ITGAE: variants seen among roughly 807,000 people sequenced by gnomAD.
The protein encoded by ITGAE is integrin alpha-E.
A neutral mutation model predicts 136.5 loss-of-function variants in ITGAE; 99 were observed. The ratio of observed to expected loss-of-function variants is 0.73; its 90% confidence interval spans 0.62 to 0.86. ITGAE has a LOEUF of 0.86. Among genes scored for constraint, ITGAE ranks in the 40% least tolerant of loss-of-function variants. The pLI is 0.00. For synonymous variants in ITGAE, 613 were observed against 591.8 expected (o/e 1.04, Z -0.52); for missense variants, 1,447 against 1,515.3 (o/e 0.95, Z 0.75).
chr17:3,773,257 C>T (rs771979838), intron 2 of ITGAE, among the ~76,000 whole-genome samples: 14 of 152,026 alleles, frequency 9.2e-5, no homozygotes, highest in Non-Finnish European at 1.5e-4. Flanking sequence ...TTTGAGAGGC[C>T]GAGGCGGGCG....
At chr17:3,740,438 G>A (rs1214419596) in intron 19 of ITGAE, among the ~76,000 whole-genome samples, 1 of 152,134 alleles carries the variant, frequency 6.6e-6, no homozygotes, top group Non-Finnish European at 1.5e-5. Flanking sequence ...GTGCAATGGC[G>A]CGATCTCGGC....
At position 3,796,170 on chromosome 17, in the gene ITGAE, CGT is replaced by C. The variant is rs71381510; in HGVS notation, c.34+4939_34+4940del. Among the ~76,000 whole-genome samples, 131 of 126,996 alleles carry C rather than the reference CGT, an allele frequency of 1.0e-3. 2 individuals carry two copies. The highest frequency in any genetic ancestry group is 9.1e-3 in the East Asian group (42 of 4,592). The allele number at this position is 126,996 out of a possible 152,430, so 83.3% of individuals were successfully genotyped here. ...ATCCGTGTGTGTGTGTGTGTGCATC[CGT>C]GTGTGTGTGTGTGTGTGTGTGGTGG... is the stretch of plus-strand genomic sequence containing the variant. On this transcript the variant is annotated intron_variant, in intron 1 of 30. Transcript: ENST00000263087.
chr17:3,786,115 C>T (rs372685607), intron 1 of ITGAE, among the ~76,000 whole-genome samples: 2 of 146,528 alleles, frequency 1.4e-5, no homozygotes, highest in Admixed American at 7.0e-5. Context: ...TGCAGTGAGC[C>T]GAGATCGCGC....
Position 3,743,715 on chromosome 17 carries a change from T to TC in ITGAE, c.2320-99_2320-98insG. On this transcript the variant is annotated intron_variant, in intron 18 of 30. Transcript: ENST00000263087. The stretch of plus-strand genomic sequence containing the variant: ...TCTTTTTCTTTTTTTCTTTTTTTTT[T>TC]TTTTTGAGATGGAGTCTTGCTCTGT... The TC allele has an allele frequency of 3.0e-6, 4 of 1,335,870 alleles. No homozygotes were observed. In the Admixed American group the frequency reaches 9.8e-5, roughly 33 times the overall value. 82.8% of individuals were successfully genotyped at this position (1,335,870 alleles called of 1,614,324 possible). A position where few individuals can be genotyped will look rare whatever the true frequency, so the allele number is the denominator to read the frequency against.
At chr17:3,718,709 A>T (rs1046780794) in intron 29 of ITGAE, among the ~76,000 whole-genome samples, 6 of 152,248 alleles carry the variant, frequency 3.9e-5, no homozygotes. Flanking sequence ...GGGGAAACAT[A>T]CAAATTTAAA....
rs1385503629 is a variant in ITGAE at position 3,755,147 on chromosome 17, C to T, written c.1354G>A (p.Asp452Asn). The T allele has an allele frequency of 6.5e-7, 1 of 1,527,140 alleles. No homozygotes were observed. Among genetic ancestry groups the T allele is most frequent in the Non-Finnish European group, 8.8e-7 (1 of 1,136,014 alleles). 94.6% of individuals were successfully genotyped at this position (1,527,140 alleles called of 1,614,324 possible). Residue 452 changes from aspartate to asparagine, a missense_variant, in exon 12 of 31, where the codon GAC becomes AAC. Physicochemically the swap from Asp to Asn is conservative, Grantham distance 23. Coordinates refer to ENST00000263087, the MANE Select transcript of ITGAE (RefSeq NM_002208.5). ...FLNQTAAAAADAEAAQYSYLG... is the reference protein window; with the variant it reads ...FLNQTAAAAANAEAAQYSYLG... ...TAGCTGTACTGCGCAGCCTCCGCGT[C>T]TGCCGCCGCCGCCGCTGTCTGGTTC...
In ITGAE at chr17:3,755,308, GCCGGGCCACGGTGGCCGCGGGTCT is replaced by G; in HGVS notation, c.1240-71_1240-48del. 2.7e-6 allele frequency: 4 copies of G among 1,488,768 alleles called. No individual in the cohort carries two copies. In the South Asian group the frequency reaches 3.9e-5, roughly 14 times the overall value. The allele number at this position is 1,488,768 out of a possible 1,614,324, so 92.2% of individuals were successfully genotyped here. On this transcript the variant is annotated intron_variant, in intron 11 of 30. Transcript: ENST00000263087. ...CCCAGATGAGTGGGAGGGACCCAAG[GCCGGGCCACGGTGGCCGCGGGTCT>G]CCGGGCCAGCGCGGCTAACCTGGCT...
At chr17:3,797,293 G>A (rs1004490637) in intron 1 of ITGAE, among the ~76,000 whole-genome samples, 1 of 150,006 alleles carries the variant, frequency 6.7e-6, no homozygotes, top group Non-Finnish European at 1.5e-5. Context: ...AGCCTCCCGA[G>A]TAGCTGGGAC....
chr17:3,724,391 G>A, intron 26 of ITGAE: 1 of 1,610,310 alleles, frequency 6.2e-7, no homozygotes, highest in South Asian at 1.1e-5. Flanking sequence ...ACCTCAGCGT[G>A]TGCGGCCAGC....
In ITGAE at chr17:3,716,804, C is replaced by A; in HGVS notation, c.3334-6G>T. 1 of 1,482,172 alleles carries A rather than the reference C, an allele frequency of 6.7e-7. No homozygotes were observed. The highest frequency in any genetic ancestry group is 9.4e-7 in the Non-Finnish European group (1 of 1,064,146). The allele number at this position is 1,482,172 out of a possible 1,614,324, so 91.8% of individuals were successfully genotyped here. A position where few individuals can be genotyped will look rare whatever the true frequency, so the allele number is the denominator to read the frequency against. On this transcript the variant is annotated splice_region_variant and splice_polypyrimidine_tract_variant and intron_variant, in intron 29 of 30. Coordinates refer to ENST00000263087, the MANE Select transcript of ITGAE (RefSeq NM_002208.5). The stretch of plus-strand genomic sequence containing the variant: ...TTCAGGAAGACGACAGTGATCTAGA[C>A]AAGACAAAGAGATCGCCCAATAAAT...
At chr17:3,759,132 A>C (rs1267951351) in intron 8 of ITGAE, among the ~76,000 whole-genome samples, 3 of 129,836 alleles carry the variant, frequency 2.3e-5, no homozygotes, top group Non-Finnish European at 5.5e-5. Context: ...CTCAAAAAAA[A>C]AAACAAAAAA....
intron 22 of ITGAE, 68 bp downstream of exon 22, chr17:3,732,300 G>A: frequency 1.7e-6 from 2 of 1,168,136 alleles, no homozygotes; most frequent in East Asian, 2.3e-5. Context: ...AGATTGAGAT[G>A]AGACCAAGAT....
chr17:3,764,662 A>C (rs61120187), intron 2 of ITGAE, among the ~76,000 whole-genome samples: 1,907 of 152,204 alleles, frequency 0.013, 41 homozygotes, highest in African/African-American at 0.043. Flanking sequence ...ACGCCACTGC[A>C]CTCCAGCCTG....
chr17:3,729,449 AC>A (rs1768443577), intron 24 of ITGAE, 28 bp downstream of exon 24: 2 of 1,457,156 alleles, frequency 1.4e-6, no homozygotes, highest in South Asian at 2.3e-5. Flanking sequence ...ATGGAGTCAC[AC>A]CGCTGCTGGC....
intron 1 of ITGAE, 96 bp downstream of exon 1, chr17:3,801,015 C>T: frequency 7.2e-7 from 1 of 1,396,484 alleles, no homozygotes; most frequent in Non-Finnish European, 1.0e-6. Context: ...CTAACTGAGC[C>T]CCATCAGAGA....
intron 18 of ITGAE, among the ~76,000 whole-genome samples, chr17:3,744,813 A>G (rs1308577102): frequency 6.6e-6 from 1 of 152,152 alleles, no homozygotes; most frequent in Non-Finnish European, 1.5e-5. Flanking sequence ...AGATAAGGAG[A>G]TTGCTTAGCA....
chr17:3,791,703 T>TA (rs2052944855), intron 1 of ITGAE, among the ~76,000 whole-genome samples: 1 of 152,184 alleles, frequency 6.6e-6, no homozygotes, highest in South Asian at 2.1e-4. Flanking sequence ...GAGATCTTGT[T>TA]AAAATGCAGA....
At position 3,755,134 on chromosome 17, in the gene ITGAE, G is replaced by A; in HGVS notation, c.1367C>T (p.Ala456Val). 1 of 1,391,838 alleles carries A rather than the reference G, an allele frequency of 7.2e-7. No homozygotes were observed. The highest frequency in any genetic ancestry group is 2.1e-5 in the Admixed American group (1 of 47,788). The allele number at this position is 1,391,838 out of a possible 1,614,324, so 86.2% of individuals were successfully genotyped here. A position where few individuals can be genotyped will look rare whatever the true frequency, so the allele number is the denominator to read the frequency against. The change falls in exon 12 of 31, where the codon GCG (alanine) becomes GTG (valine). Residue 456 changes from alanine to valine, a missense_variant. By Grantham distance (64) the Ala-to-Val change is moderately conservative (BLOSUM62 0). Around this residue, in one of 3 missense-constraint regions of ITGAE, gnomAD observed 1,031 missense variants for 1,011.4 expected, o/e 1.02. Coordinates refer to ENST00000263087, the MANE Select transcript of ITGAE (RefSeq NM_002208.5). The part of the protein sequence containing the change: ...TAAAAADAEA[A>V]QYSYLGYAVA... ...GCCCTCACCCAGGTAGCTGTACTGC[G>A]CAGCCTCCGCGTCTGCCGCCGCCGC... is the stretch of plus-strand genomic sequence containing the variant.
rs762850935 is a variant in ITGAE, at chr17:3,753,294, T to G, written c.1664A>C (p.Glu555Ala). 2 of 1,613,438 alleles carry G rather than the reference T, an allele frequency of 1.2e-6. No individual in the cohort carries two copies. The highest frequency in any genetic ancestry group is 2.7e-5 in the African/African-American group (2 of 74,900). ...EGRVYVYRLS[E>A]QDGSFSLARI... ...TGAAGATGGAGACTCTCCCACCTGC[T>G]CGCTGAGACGGTACACGTAGACTCT... is the stretch of plus-strand genomic sequence containing the variant. Residue 555 changes from glutamate to alanine, a missense_variant, in exon 14 of 31, where the codon GAG becomes GCG. Glu to Ala is a moderately radical substitution (Grantham distance 107). Coordinates refer to ENST00000263087, the MANE Select transcript of ITGAE (RefSeq NM_002208.5).
Sources: allele counts gnomAD v4.1 joint callset (sites outside exome capture counted in the v4.1 genomes callset), GRCh38; gene constraint gnomAD v4.1.1; regional missense constraint gnomAD v4.1.1; transcripts MANE v1.5; gene names NCBI Gene and HGNC (gene_info 2026-07-23, HGNC 2026-07-21).